Variants in PCNT observed in about 807,000 individuals in gnomAD.
The protein encoded by PCNT is pericentrin.
A neutral mutation model predicts 380.4 loss-of-function variants in PCNT; 319 were observed. That is an observed-to-expected ratio of 0.84 (90% confidence interval 0.77 to 0.92). The LOEUF (loss-of-function observed/expected upper bound fraction) is 0.92. Ranked by LOEUF, PCNT falls within the 40% of genes least tolerant of loss-of-function variation. The pLI, the probability that PCNT is intolerant of heterozygous loss-of-function variation, is 0.00. For synonymous variants in PCNT, 1,845 were observed against 1,735.2 expected (o/e 1.06, Z -1.57); for missense variants, 4,400 against 4,255.3 (o/e 1.03, Z -0.95).
intron 19 of PCNT, among the ~76,000 whole-genome samples, chr21:46,390,191 C>T (rs924849944): frequency 1.7e-4 from 26 of 152,122 alleles, no homozygotes; most frequent in East Asian, 3.8e-4. Context: ...CATGCGTCTG[C>T]GGTCCCAGCT....
intron 24 of PCNT, 149 bp downstream of exon 24, chr21:46,398,404 G>T: frequency 1.2e-6 from 1 of 811,164 alleles, no homozygotes; most frequent in Non-Finnish European, 2.0e-6. Context: ...AGCTGTAGTA[G>T]GTTCGTTTAT....
In PCNT at chr21:46,334,949, C is replaced by A. The variant is rs2839214; in HGVS notation, c.639+181C>A. On this transcript the variant is annotated intron_variant, in intron 3 of 46. Coordinates refer to ENST00000359568, the MANE Select transcript of PCNT (RefSeq NM_006031.6). The stretch of plus-strand genomic sequence containing the variant: ...TGTAGGCCCCACGTGCTGCCGCCTG[C>A]ACGTTCTTAGTGTTGCCTGTGAATG... Among the ~76,000 whole-genome samples the A allele has an allele frequency of 0.12, 18,706 of 152,216 alleles. 3,352 individuals are homozygous for A. Among genetic ancestry groups the A allele is most frequent in the African/African-American group, 0.4 (16,448 of 41,472 alleles).
intron 17 of PCNT, among the ~76,000 whole-genome samples, chr21:46,386,197 C>G (rs2085828153): frequency 6.6e-6 from 1 of 152,218 alleles, no homozygotes; most frequent in Admixed American, 6.5e-5. Flanking sequence ...CTCCCAGCCC[C>G]CGTGCCCTCC....
At chr21:46,358,111 A>C (rs1057235538) in intron 13 of PCNT, among the ~76,000 whole-genome samples, 3 of 151,774 alleles carry the variant, frequency 2.0e-5, no homozygotes, top group Admixed American at 2.0e-4. Context: ...CAGTGGAGTT[A>C]AAGTGAACCA....
intron 3 of PCNT, among the ~76,000 whole-genome samples, chr21:46,340,555 C>G (rs997170469): frequency 6.6e-6 from 1 of 152,134 alleles, no homozygotes; most frequent in African/African-American, 2.4e-5. Context: ...GGTTGTTATT[C>G]TGCATAATTT....
chr21:46,363,689 G>T lies in PCNT; in HGVS notation c.2364G>T (p.Lys788Asn). The T allele has an allele frequency of 6.2e-7, 1 of 1,614,242 alleles. No homozygotes were observed. Among genetic ancestry groups the T allele is most frequent in the Non-Finnish European group, 8.5e-7 (1 of 1,180,050 alleles). ...CCGAGAAACAGACCATCATAAACAA[G>T]TTTGAGCTTCGAGAAGCTGAAATGA... ...AESEKQTIIN[K>N]FELREAEMRQ... is the part of the protein sequence containing the mutation. Residue 788 changes from lysine (K) to asparagine (N), a missense_variant, in exon 14 of 47, where the codon AAG becomes AAT. Transcript: ENST00000359568.
chr21:46,349,880 G>A, intron 8 of PCNT, 60 bp downstream of exon 8: 1 of 1,491,126 alleles, frequency 6.7e-7, no homozygotes, highest in Non-Finnish European at 9.4e-7. Flanking sequence ...AACAGATTTT[G>A]GAATTGGGCT....
At chr21:46,428,359 C>G in intron 34 of PCNT, 36 bp from the exon 35 acceptor site, 1 of 1,595,336 alleles carries the variant, frequency 6.3e-7, no homozygotes, top group Non-Finnish European at 8.6e-7. Flanking sequence ...GGGTGGCTGC[C>G]CAATGCTCAG....
chr21:46,356,261 TGTG>T (rs1406763209), intron 12 of PCNT, among the ~76,000 whole-genome samples: 1 of 152,116 alleles, frequency 6.6e-6, no homozygotes, highest in Non-Finnish European at 1.5e-5. Flanking sequence ...CTGGGAGGTG[TGTG>T]GTCTGACTCC....
At chr21:46,368,868 G>A (rs551225544) in intron 15 of PCNT, among the ~76,000 whole-genome samples, 1 of 152,362 alleles carries the variant, frequency 6.6e-6, no homozygotes, top group Non-Finnish European at 1.5e-5. Context: ...GGAATTGCCA[G>A]CTTGGATAAG....
chr21:46,432,403 G>T (rs1190808233), intron 38 of PCNT, among the ~76,000 whole-genome samples, 188 bp downstream of exon 38: 1 of 152,266 alleles, frequency 6.6e-6, no homozygotes, highest in Non-Finnish European at 1.5e-5. Flanking sequence ...AAATCAGGAA[G>T]TGTGAGTTCT....
intron 17 of PCNT, among the ~76,000 whole-genome samples, chr21:46,387,646 CCT>C (rs942114992): frequency 2.6e-5 from 4 of 152,130 alleles, no homozygotes; most frequent in Non-Finnish European, 5.9e-5. Flanking sequence ...ACTCCCCCTC[CCT>C]GTTATTTGCC....
In PCNT at chr21:46,349,267, A is replaced by G. The variant is rs970468941; in HGVS notation, c.1207+81A>G. 3.5e-6 allele frequency: 4 copies of G among 1,144,668 alleles called. No homozygotes were observed. The Admixed American group carries it at 5.0e-5, about 14-fold the overall frequency. 70.9% of individuals were successfully genotyped at this position (1,144,668 alleles called of 1,614,324 possible). ...TGGAAGGAATGTCGTTCATGTCACC[A>G]TGCGTCATTGCGCACGTTTCCTACC... On this transcript the variant is annotated intron_variant, in intron 7 of 46. Coordinates refer to ENST00000359568, the MANE Select transcript of PCNT (RefSeq NM_006031.6).
chr21:46,435,854 T>C lies in PCNT; in HGVS notation c.8752-50T>C, dbSNP rs771399619. On this transcript the variant is annotated intron_variant, in intron 38 of 46. Transcript: ENST00000359568. ...ACCGCGCCCGGCCGGCAGTTTTGTT[T>C]TTGGACACTGACGTGAACGTCTTCT... 1.9e-6 allele frequency: 3 copies of C among 1,612,728 alleles called. No individual in the cohort carries two copies. In the Admixed American group the frequency reaches 5.0e-5, roughly 27 times the overall value.
intron 38 of PCNT, among the ~76,000 whole-genome samples, chr21:46,435,091 G>A (rs1251895579): frequency 5.3e-5 from 8 of 152,226 alleles, no homozygotes; most frequent in Non-Finnish European, 4.4e-5. Flanking sequence ...GGTGTGCAGT[G>A]TGTCAGCTGT....
Position 46,444,701 on chromosome 21 carries a change from C to G in PCNT, c.9847C>G (p.Pro3283Ala), listed in dbSNP as rs747776925. Residue 3283 changes from proline to alanine, a missense_variant, in exon 46 of 47, where the codon CCA becomes GCA. Pro to Ala is a conservative substitution (Grantham distance 27). Transcript: ENST00000359568. Reference sequence around the variant, plus strand: ...GTGGTAATTTGTTTGAAGAGCCACTCCATCCCCAAATTCAAGATTAGAAAG... The same window carrying G: ...GTGGTAATTTGTTTGAAGAGCCACTGCATCCCCAAATTCAAGATTAGAAAG... Reference protein sequence around the residue: ...ASPHSGGRATPSPNSRLERSL... With the variant: ...ASPHSGGRATASPNSRLERSL... 6.2e-7 allele frequency: 1 copy of G among 1,611,000 alleles called. No homozygotes were observed. The highest frequency in any genetic ancestry group is 2.2e-5 in the East Asian group (1 of 44,808).
chr21:46,426,702 C>T (rs948744324), intron 33 of PCNT, among the ~76,000 whole-genome samples: 2 of 152,210 alleles, frequency 1.3e-5, no homozygotes, highest in African/African-American at 2.4e-5. Flanking sequence ...TCTGTGCTGT[C>T]GACCCCGCAC....
intron 3 of PCNT, among the ~76,000 whole-genome samples, chr21:46,337,288 C>T (rs2146404948): frequency 6.6e-6 from 1 of 151,966 alleles, no homozygotes; most frequent in East Asian, 1.9e-4. Context: ...CATTTATTTA[C>T]TTATTTGTTC....
rs201877661 is a variant in PCNT, at chr21:46,436,108, G to T, written c.8956G>T (p.Ala2986Ser). The change falls in exon 39 of 47, where the codon GCC becomes TCC. Residue 2986 changes from alanine (A) to serine (S), a missense_variant. Transcript: ENST00000359568. ...EAMRQRLLSAARLLTSFTSQA... is the reference protein window; with the variant it reads ...EAMRQRLLSASRLLTSFTSQA... Reference sequence around the variant, plus strand: ...GATGAGGCAGCGGCTGCTCTCTGCCGCCCGGCTTCTCACCAGCTTCACCAG... The same window carrying T: ...GATGAGGCAGCGGCTGCTCTCTGCCTCCCGGCTTCTCACCAGCTTCACCAG... 1.2e-6 allele frequency: 2 copies of T among 1,610,342 alleles called. No homozygotes were observed. The highest frequency in any genetic ancestry group is 1.3e-5 in the African/African-American group (1 of 74,916).
Sources: allele counts gnomAD v4.1 joint callset (sites outside exome capture counted in the v4.1 genomes callset), GRCh38; gene constraint gnomAD v4.1.1; transcripts MANE v1.5; gene names NCBI Gene and HGNC (gene_info 2026-07-23, HGNC 2026-07-21).